The following RHEB variants were observed in gnomAD, a reference collection of about 807,000 sequenced individuals.
RHEB encodes the protein Ras homolog, mTORC1 binding.
RHEB carries 2 observed loss-of-function variants against 28.8 expected under a neutral mutation model. The observed-to-expected ratio is 0.07, with a 90% CI of 0.03 to 0.22. RHEB has a LOEUF of 0.22. Ranked by LOEUF, RHEB falls within the 10% of genes least tolerant of loss-of-function variation. RHEB has a pLI of 1.00. For missense variants in RHEB, 76 were observed against 219.9 expected (o/e 0.35, Z 4.14); for synonymous variants, 69 against 77.3 (o/e 0.89, Z 0.56).
chr7:151,503,503 A>T (rs1425345956), intron 1 of RHEB: 1 of 883,428 alleles, frequency 1.1e-6, no homozygotes, highest in Non-Finnish European at 1.9e-6. Flanking sequence ...TCCAGCATCC[A>T]ACCCAAGAAG....
chr7:151,502,671 A>G, intron 1 of RHEB: 1 of 1,610,250 alleles, frequency 6.2e-7, no homozygotes, highest in East Asian at 2.2e-5. Flanking sequence ...CACTCCAAGG[A>G]AACACAAGAG....
In RHEB at chr7:151,517,182, C is replaced by A. The variant is rs1257635356; in HGVS notation, c.52+2278G>T. On this transcript the variant is annotated intron_variant, in intron 1 of 7. Coordinates refer to ENST00000262187, the MANE Select transcript of RHEB (RefSeq NM_005614.4). The stretch of plus-strand genomic sequence containing the variant: ...CGTTTGAGACAAGCCTGACGTTTGG[C>A]CAAGTGGTGAAACCCGTCTCTACTA... 2.6e-5 allele frequency among the ~76,000 whole-genome samples: 4 copies of A among 151,966 alleles called. No individual in the cohort carries two copies. In the East Asian group the frequency reaches 7.7e-4, roughly 29 times the overall value.
intron 4 of RHEB, among the ~76,000 whole-genome samples, chr7:151,475,101 T>A (rs928954261): frequency 6.6e-6 from 1 of 152,244 alleles, no homozygotes; most frequent in Non-Finnish European, 1.5e-5. Context: ...AAGCTTTTTG[T>A]CCTCTGCTTT....
At position 151,493,547 on chromosome 7, in the gene RHEB, G is replaced by C. The variant is rs928952705; in HGVS notation, c.53-2533C>G. The stretch of plus-strand genomic sequence containing the variant: ...TAAACATTGAGATTTCTGAACAAAT[G>C]AACGAAATTAAAGCGTAGATCTCCA... On this transcript the variant is annotated intron_variant, in intron 1 of 7. Coordinates refer to ENST00000262187, the MANE Select transcript of RHEB (RefSeq NM_005614.4). Among the ~76,000 whole-genome samples, 10 of 152,194 alleles carry C rather than the reference G, an allele frequency of 6.6e-5. No individual in the cohort carries two copies. The East Asian group carries it at 1.9e-3, about 29-fold the overall frequency.
Position 151,466,183 on chromosome 7 carries a change from TCTC to T in RHEB, c.*933_*935del, listed in dbSNP as rs1381584155. On this transcript the variant is annotated 3_prime_UTR_variant, in exon 8 of 8. Transcript: ENST00000262187. ...GCCACCAAACAAATGAAATCCCTCTTCTCCTTTACAGCTGCTCCTTGGACAGAG... is the reference window on the plus strand; with the variant it reads ...GCCACCAAACAAATGAAATCCCTCTTCTTTACAGCTGCTCCTTGGACAGAG... The T allele has an allele frequency of 3.3e-5, 5 of 152,186 alleles. No individual in the cohort carries two copies. The allele number at this position is 152,186 out of a possible 1,614,324, so 9.4% of individuals were successfully genotyped here.
intron 1 of RHEB, chr7:151,503,514 C>T (rs1181238902): frequency 1.3e-6 from 1 of 798,622 alleles, no homozygotes; most frequent in African/African-American, 1.7e-5. Flanking sequence ...ACCCAAGAAG[C>T]ATACCCATGG....
chr7:151,481,130 C>CT lies in RHEB; in HGVS notation c.192+3606dup, dbSNP rs11296574. Among the ~76,000 whole-genome samples the CT allele has an allele frequency of 3.6e-3, 523 of 143,928 alleles. 3 individuals carry two copies. The highest frequency in any genetic ancestry group is 8.6e-3 in the African/African-American group (341 of 39,752). 94.4% of individuals were successfully genotyped at this position (143,928 alleles called of 152,430 possible). A position where few individuals can be genotyped will look rare whatever the true frequency, so the allele number is the denominator to read the frequency against. On this transcript the variant is annotated intron_variant, in intron 3 of 7. Transcript: ENST00000262187. ...AAATAGGTTAATATAGAAGAGGCTACTTTTTTTTTTTTTTGATACTTCACA... is the reference window on the plus strand; with the variant it reads ...AAATAGGTTAATATAGAAGAGGCTACTTTTTTTTTTTTTTTGATACTTCACA...
At chr7:151,484,670 A>C in intron 3 of RHEB, 67 bp downstream of exon 3, 4 of 1,195,344 alleles carry the variant, frequency 3.3e-6, no homozygotes, top group Non-Finnish European at 3.7e-6. Flanking sequence ...TACTTTTAAA[A>C]ATCAGTGCTA....
chr7:151,476,800 T>C (rs1041815179), intron 4 of RHEB, among the ~76,000 whole-genome samples: 2 of 152,214 alleles, frequency 1.3e-5, no homozygotes, highest in African/African-American at 4.8e-5. Flanking sequence ...CCACTGCTCC[T>C]CCTGATAATA....
chr7:151,481,329 C>G (rs974539006), intron 3 of RHEB, among the ~76,000 whole-genome samples: 2 of 152,178 alleles, frequency 1.3e-5, no homozygotes, highest in Admixed American at 1.3e-4. Flanking sequence ...ACATAAACTA[C>G]TAAGTAGTAA....
rs772187036 is a variant in RHEB, at chr7:151,471,582, T to C, written c.299A>G (p.His100Arg). ...CCCCACCATATCCAACAATTTGCCATGGATAACTTTAATCACTTCAAAACT... is the reference window on the plus strand; with the variant it reads ...CCCCACCATATCCAACAATTTGCCACGGATAACTTTAATCACTTCAAAACT... ...IKSFEVIKVIHGKLLDMVGKV... is the reference protein window; with the variant it reads ...IKSFEVIKVIRGKLLDMVGKV... The change falls in exon 5 of 8, where the codon CAT becomes CGT. Residue 100 changes from histidine (H) to arginine (R), a missense_variant. Coordinates refer to ENST00000262187, the MANE Select transcript of RHEB (RefSeq NM_005614.4). 1.2e-6 allele frequency: 2 copies of C among 1,604,580 alleles called. No individual in the cohort carries two copies. The highest frequency in any genetic ancestry group is 2.2e-5 in the East Asian group (1 of 44,786).
At chr7:151,511,225 T>G (rs1023486721) in intron 1 of RHEB, among the ~76,000 whole-genome samples, 4 of 152,264 alleles carry the variant, frequency 2.6e-5, no homozygotes, top group African/African-American at 9.6e-5. Context: ...TCACAAATTA[T>G]GTACTATGCC....
At chr7:151,505,982 T>C (rs1255281981) in intron 1 of RHEB, among the ~76,000 whole-genome samples, 1 of 151,978 alleles carries the variant, frequency 6.6e-6, no homozygotes, top group Non-Finnish European at 1.5e-5. Flanking sequence ...CCCGGGGAGC[T>C]GGGGTAGGGC....
At chr7:151,482,977 G>A (rs1444510941) in intron 3 of RHEB, among the ~76,000 whole-genome samples, 17 of 152,156 alleles carry the variant, frequency 1.1e-4, no homozygotes, top group Non-Finnish European at 2.4e-4. Flanking sequence ...CTTCTGTCAA[G>A]AGGACAGGTA....
intron 3 of RHEB, among the ~76,000 whole-genome samples, chr7:151,479,560 G>A (rs1039959047): frequency 6.6e-6 from 1 of 151,830 alleles, no homozygotes. Flanking sequence ...GCGGGCGCCT[G>A]TAGTCCCAGC....
At chr7:151,494,796 T>G (rs571915453) in intron 1 of RHEB, among the ~76,000 whole-genome samples, 1 of 152,346 alleles carries the variant, frequency 6.6e-6, no homozygotes, top group Admixed American at 6.5e-5. Flanking sequence ...ATTAATTATT[T>G]AACTAATCCA....
intron 1 of RHEB, chr7:151,518,089 T>C (rs1350477626): frequency 6.6e-6 from 1 of 152,254 alleles, no homozygotes; most frequent in African/African-American, 2.4e-5. Context: ...GGTTACTTCC[T>C]GGCTGCAGCT....
chr7:151,467,128 C>T lies in RHEB; in HGVS notation c.546G>A (p.Ser182=), dbSNP rs916987578. Reference sequence around the variant, plus strand: ...AGGCTTTGCAGCAGAATCACATCACCGAGCATGAAGACTTGCCTTGTGAAG... The same window carrying T: ...AGGCTTTGCAGCAGAATCACATCACTGAGCATGAAGACTTGCCTTGTGAAG... ...GAASQGKSSC[S]VM Residue 182 remains serine (S), a synonymous_variant, in exon 8 of 8, where the codon TCG becomes TCA. Transcript: ENST00000262187. 9 of 1,612,106 alleles carry T rather than the reference C, an allele frequency of 5.6e-6. No homozygotes were observed. The highest frequency in any genetic ancestry group is 4.0e-5 in the African/African-American group (3 of 74,852).
At chr7:151,516,981 A>G (rs1803092437) in intron 1 of RHEB, among the ~76,000 whole-genome samples, 2 of 152,216 alleles carry the variant, frequency 1.3e-5, no homozygotes, top group South Asian at 4.1e-4. Context: ...AGGGTGGCTT[A>G]CTAGAAGAAA....
Sources: gnomAD v4.1 joint callset for allele counts (sites outside exome capture counted in the v4.1 genomes callset) on GRCh38, gnomAD v4.1.1 for gene constraint, MANE v1.5 for transcripts, NCBI Gene and HGNC (gene_info 2026-07-23, HGNC 2026-07-21) for gene names.